SYT7: variants seen among roughly 807,000 people sequenced by gnomAD.
The protein encoded by SYT7 is synaptotagmin-7.
Under a neutral mutation model 75.1 loss-of-function variants are expected in SYT7, and 29 were observed. That is an observed-to-expected ratio of 0.39 (90% CI 0.29 to 0.53). The LOEUF (loss-of-function observed/expected upper bound fraction) is 0.53. SYT7 is among the 20% of genes least tolerant of loss of function. SYT7 has a pLI of 0.77. For missense variants in SYT7, 693 were observed against 953.2 expected (o/e 0.73, Z 3.59); for synonymous variants, 376 against 401.7 (o/e 0.94, Z 0.76).
At chr11:61,522,453 G>C (rs1411140318) in intron 12 of SYT7, among the ~76,000 whole-genome samples, 3 of 152,024 alleles carry the variant, frequency 2.0e-5, no homozygotes, top group Non-Finnish European at 4.4e-5. Context: ...GCCTCCCAAA[G>C]TGCTGGGATT....
chr11:61,538,369 GA>G, intron 6 of SYT7, 103 bp from the exon 7 acceptor site: 1 of 873,668 alleles, frequency 1.1e-6, no homozygotes, highest in Non-Finnish European at 1.7e-6. Context: ...GAGAGAGAGA[GA>G]GAGAGAGAGA....
upstream of SYT7, among the ~76,000 whole-genome samples, chr11:61,583,536 C>A (rs2064325893): frequency 6.6e-6 from 1 of 152,210 alleles, no homozygotes; most frequent in African/African-American, 2.4e-5. Context: ...CCGGAGCCAG[C>A]ACCCTGGGGA....
rs569580920 is a variant in SYT7, at chr11:61,518,605, C to T, written c.*22G>A. 33 of 1,513,648 alleles carry T rather than the reference C, an allele frequency of 2.2e-5. No homozygotes were observed. The African/African-American group carries it at 4.3e-4, about 20-fold the overall frequency. 93.8% of individuals were successfully genotyped at this position (1,513,648 alleles called of 1,614,324 possible). ...TGATGGGGACCTGGGCCCTCGGCCC[C>T]CTGGGCCTCCCTTGGCCCCACTCAG... On this transcript the variant is annotated 3_prime_UTR_variant, in exon 13 of 13. Transcript: ENST00000539008.
chr11:61,584,305 G>A (rs2064339390), upstream of SYT7, among the ~76,000 whole-genome samples: 2 of 149,852 alleles, frequency 1.3e-5, no homozygotes, highest in Admixed American at 1.3e-4. Flanking sequence ...TGAGGCAGGA[G>A]AATCGCTTGA....
At chr11:61,580,000 G>A (rs1326075988) in intron 1 of SYT7, among the ~76,000 whole-genome samples, 3 of 152,118 alleles carry the variant, frequency 2.0e-5, no homozygotes, top group Admixed American at 1.3e-4. Flanking sequence ...CGAGGAAGAC[G>A]GGAAGATTCT....
the SYT7 span, among the ~76,000 whole-genome samples, chr11:61,588,183 C>T: frequency 5.9e-5 from 9 of 152,166 alleles, no homozygotes; most frequent in Non-Finnish European, 1.2e-4. Flanking sequence ...TCACCAAGGC[C>T]TCTGGGGGAG....
At chr11:61,570,403 G>C (rs1052993787) in intron 1 of SYT7, among the ~76,000 whole-genome samples, 1 of 152,152 alleles carries the variant, frequency 6.6e-6, no homozygotes, top group Non-Finnish European at 1.5e-5. Flanking sequence ...GGTTATAATT[G>C]TAACAAACAT....
rs1379045922 is a variant in SYT7, at chr11:61,546,556, C to A, written c.348-301G>T. 4.1e-6 allele frequency: 2 copies of A among 485,764 alleles called. No individual in the cohort carries two copies. The highest frequency in any genetic ancestry group is 2.0e-5 in the African/African-American group (1 of 50,376). The allele number at this position is 485,764 out of a possible 1,614,324, so 30.1% of individuals were successfully genotyped here. Reference sequence around the variant, plus strand: ...GCACCACGACAACGGAGGGGGGGCCCCTCCCCACCGCCTGGGGCAGGGGCG... The same window carrying A: ...GCACCACGACAACGGAGGGGGGGCCACTCCCCACCGCCTGGGGCAGGGGCG... On this transcript the variant is annotated intron_variant, in intron 4 of 12. Transcript: ENST00000539008. This position sits in a 1 kb window ranked among gnomAD's most constrained non-coding sequence, Gnocchi z 7.6.
Position 61,530,731 on chromosome 11 carries a change from G to A in SYT7, c.1200+2258C>T, listed in dbSNP as rs535149206. Reference sequence around the variant, plus strand: ...TTGGCTCCTGGCTGCCAAACAGTGTGGTCTTGGGAAGGCCTGGGCTGGCCA... The same window carrying A: ...TTGGCTCCTGGCTGCCAAACAGTGTAGTCTTGGGAAGGCCTGGGCTGGCCA... On this transcript the variant is annotated intron_variant, in intron 8 of 12. Transcript: ENST00000539008. 5.5e-6 allele frequency: 5 copies of A among 910,798 alleles called. No individual in the cohort carries two copies. In the East Asian group the frequency reaches 4.7e-4, roughly 86 times the overall value. The allele number at this position is 910,798 out of a possible 1,614,324, so 56.4% of individuals were successfully genotyped here.
At chr11:61,537,890 C>T (rs757376881) in intron 7 of SYT7, among the ~76,000 whole-genome samples, 5 of 152,182 alleles carry the variant, frequency 3.3e-5, no homozygotes, top group South Asian at 2.1e-4. Flanking sequence ...TGCTCCGGGC[C>T]GGGGCAAGCA....
Position 61,517,618 on chromosome 11 carries a change from G to C in SYT7, c.*1009C>G. On this transcript the variant is annotated 3_prime_UTR_variant, in exon 13 of 13. Transcript: ENST00000539008. ...AAAGCATGGAGAATAGGGCAGATGT[G>C]GCTGCGTATGAGGTGTGGGAAGCTG... The C allele has an allele frequency of 2.5e-6, 1 of 399,106 alleles. No individual in the cohort carries two copies. The allele number at this position is 399,106 out of a possible 1,614,324, so 24.7% of individuals were successfully genotyped here. A position where few individuals can be genotyped will look rare whatever the true frequency, so the allele number is the denominator to read the frequency against.
intron 1 of SYT7, among the ~76,000 whole-genome samples, chr11:61,573,406 G>A (rs2063979037): frequency 6.6e-6 from 1 of 152,186 alleles, no homozygotes; most frequent in African/African-American, 2.4e-5. Flanking sequence ...TCCAAGGGCA[G>A]GGGTCCAGGC....
At chr11:61,579,659 G>T (rs2064188189) in intron 1 of SYT7, among the ~76,000 whole-genome samples, 1 of 152,238 alleles carries the variant, frequency 6.6e-6, no homozygotes, top group African/African-American at 2.4e-5. Flanking sequence ...GCCTTCAGGA[G>T]CCTCAGGGCT....
At chr11:61,552,900 T>C in intron 2 of SYT7, among the ~76,000 whole-genome samples, 1 of 152,204 alleles carries the variant, frequency 6.6e-6, no homozygotes, top group East Asian at 1.9e-4. Context: ...ATCACATATA[T>C]GAGTATTTCT....
chr11:61,561,087 T>C (rs960126796), intron 1 of SYT7, among the ~76,000 whole-genome samples: 3 of 152,198 alleles, frequency 2.0e-5, no homozygotes, highest in African/African-American at 4.8e-5. Context: ...TAACCCCTCC[T>C]CAGATGACAT....
At position 61,524,215 on chromosome 11, in the gene SYT7, T is replaced by C; in HGVS notation, c.1641+148A>G. On this transcript the variant is annotated intron_variant, in intron 10 of 12. Coordinates refer to ENST00000539008, the MANE Select transcript of SYT7 (RefSeq NM_001365809.2). This position sits in a 1 kb window ranked among gnomAD's most constrained non-coding sequence, Gnocchi z 4.1. ...TGCCAAGCACCAATGTTCTGACTGC[T>C]AGCGAGGGCTGAGCTCCATCGGGTC... 1 of 966,560 alleles carries C rather than the reference T, an allele frequency of 1.0e-6. No homozygotes were observed. The highest frequency in any genetic ancestry group is 1.5e-6 in the Non-Finnish European group (1 of 663,544). 59.9% of individuals were successfully genotyped at this position (966,560 alleles called of 1,614,324 possible).
chr11:61,528,694 A>G (rs2062607053), intron 8 of SYT7, among the ~76,000 whole-genome samples: 1 of 152,272 alleles, frequency 6.6e-6, no homozygotes, highest in Non-Finnish European at 1.5e-5. Flanking sequence ...TAGGGTGCGG[A>G]GAATGGTGTG....
Position 61,546,810 on chromosome 11 carries a change from G to A in SYT7, c.347+367C>T, listed in dbSNP as rs907330099. On this transcript the variant is annotated intron_variant, in intron 4 of 12. Coordinates refer to ENST00000539008, the MANE Select transcript of SYT7 (RefSeq NM_001365809.2). The surrounding 1 kb of genome is among the most constrained non-coding windows in gnomAD (Gnocchi z 7.6). ...CCGAGCAGCCACGGCAGCACACAGC[G>A]GGGAGGAAGAAGCGACCACAACCGA... Among the ~76,000 whole-genome samples, 11 of 152,074 alleles carry A rather than the reference G, an allele frequency of 7.2e-5. No individual in the cohort carries two copies. Among genetic ancestry groups the A allele is most frequent in the African/African-American group, 2.7e-4 (11 of 41,376 alleles).
intron 1 of SYT7, among the ~76,000 whole-genome samples, chr11:61,572,377 C>T (rs1420405776): frequency 1.3e-5 from 2 of 152,228 alleles, no homozygotes; most frequent in African/African-American, 4.8e-5. Context: ...CCAGTACCAA[C>T]TCGTAGTGCT....
Sources: gnomAD v4.1 joint callset for allele counts (sites outside exome capture counted in the v4.1 genomes callset) on GRCh38, gnomAD v4.1.1 for gene constraint, Gnocchi (gnomAD v3.1) non-coding constraint, MANE v1.5 for transcripts, NCBI Gene and HGNC (gene_info 2026-07-23, HGNC 2026-07-21) for gene names.